NBPF8: variants seen among roughly 807,000 people sequenced by gnomAD.
NBPF8 encodes the protein NBPF member 8.
At chr1:120,450,393 G>A (rs1304933162) in intron 11 of NBPF8, among the ~76,000 whole-genome samples, 20 of 151,906 alleles carry the variant, frequency 1.3e-4, no homozygotes, top group South Asian at 1.0e-3. Flanking sequence ...AGCAGGGACC[G>A]TGGGCCTGTC....
At chr1:120,456,449 T>C (rs1301670493) in intron 16 of NBPF8, among the ~76,000 whole-genome samples, 1 of 131,776 alleles carries the variant, frequency 7.6e-6, no homozygotes, top group East Asian at 2.0e-4. Flanking sequence ...TGGGTGCTCC[T>C]GTATAGGGTG....
upstream of NBPF8, among the ~76,000 whole-genome samples, chr1:120,418,718 T>C (rs1171701466): frequency 2.1e-5 from 2 of 97,142 alleles, no homozygotes; most frequent in East Asian, 6.8e-4. Context: ...GCCCGGCTAA[T>C]TTTCTATTTT....
At chr1:120,459,722 G>T (rs1661521609) in intron 17 of NBPF8, among the ~76,000 whole-genome samples, 192 bp downstream of exon 15, 1 of 152,060 alleles carries the variant, frequency 6.6e-6, no homozygotes, top group Admixed American at 6.6e-5. Context: ...AGTGAGCTTT[G>T]CTCTCTTCCT....
intron 3 of NBPF8, among the ~76,000 whole-genome samples, chr1:120,431,054 G>A (rs1660860535): frequency 2.7e-5 from 4 of 148,176 alleles, no homozygotes; most frequent in South Asian, 4.2e-4. Flanking sequence ...TATTATAAAA[G>A]AATAATGGTG....
chr1:120,461,052 G>GTC (rs1661574495), intron 18 of NBPF8, among the ~76,000 whole-genome samples: 1 of 115,424 alleles, frequency 8.7e-6, no homozygotes, highest in Non-Finnish European at 1.8e-5. Flanking sequence ...GTGTGTGTGT[G>GTC]TGTGTGTGTG....
At chr1:120,428,243 A>G (rs1244410229) in intron 3 of NBPF8, among the ~76,000 whole-genome samples, 29 of 152,212 alleles carry the variant, frequency 1.9e-4, no homozygotes, top group Non-Finnish European at 4.1e-4. Flanking sequence ...GAGTGCAGCA[A>G]CCCAAGAGTG....
chr1:120,460,695 T>C lies in NBPF8; in HGVS notation n.2836+71T>C. On this transcript the variant is annotated intron_variant and non_coding_transcript_variant, in intron 18 of 24. Transcript: ENST00000583271. Reference sequence around the variant, plus strand: ...GAGATGCCAAGTCCAGGGAAAACAGTACATGCTGAAAATAATGATTTTGTC... The same window carrying C: ...GAGATGCCAAGTCCAGGGAAAACAGCACATGCTGAAAATAATGATTTTGTC... 7 of 870,898 alleles carry C rather than the reference T, an allele frequency of 8.0e-6. No individual in the cohort carries two copies. The South Asian group carries it at 9.2e-5, about 11-fold the overall frequency. The allele number at this position is 870,898 out of a possible 1,614,324, so 53.9% of individuals were successfully genotyped here.
chr1:120,465,766 C>G (rs1661725441), intron 24 of NBPF8, among the ~76,000 whole-genome samples: 1 of 151,712 alleles, frequency 6.6e-6, no homozygotes, highest in Non-Finnish European at 1.5e-5. Context: ...CTCTCTGTCT[C>G]TGTCTCTGTC....
At chr1:120,428,757 C>T (rs1470732787) in intron 3 of NBPF8, among the ~76,000 whole-genome samples, 11 of 146,514 alleles carry the variant, frequency 7.5e-5, no homozygotes, top group Admixed American at 7.4e-4. Flanking sequence ...GTGTACTCTT[C>T]AACCCATAAC....
At chr1:120,450,919 G>T (rs1394401630) in intron 11 of NBPF8, among the ~76,000 whole-genome samples, 10 of 151,652 alleles carry the variant, frequency 6.6e-5, no homozygotes, top group African/African-American at 2.4e-4. Context: ...TGTGAATTCT[G>T]ACTCCACTTC....
upstream of NBPF8, among the ~76,000 whole-genome samples, chr1:120,415,231 A>T (rs1553244921): frequency 0.031 from 4,765 of 152,172 alleles, 175 homozygotes; most frequent in East Asian, 0.13. Context: ...TGCCATCTGG[A>T]TGGGAAGTTA....
chr1:120,449,220 AC>A (rs1296630006), exon 11 of NBPF8: 1 of 1,423,600 alleles, frequency 7.0e-7, no homozygotes, highest in African/African-American at 1.4e-5. Context: ...TCTGCCACAA[AC>A]GTCAGCATGG....
intron 3 of NBPF8, among the ~76,000 whole-genome samples, chr1:120,429,505 G>A (rs1301499538): frequency 3.3e-5 from 5 of 152,206 alleles, no homozygotes; most frequent in African/African-American, 4.8e-5. Context: ...GAAGAGTAGA[G>A]GACAGGCCGT....
rs1660699905 is a variant in NBPF8 at position 120,425,542 on chromosome 1, C to A, written n.270-205C>A. On this transcript the variant is annotated intron_variant and non_coding_transcript_variant, in intron 1 of 28. Transcript: ENST00000652355. Reference sequence around the variant, plus strand: ...CTCTCTGGAAATGCCCGATAATGATCAATAAATACTAAGGGAACTCAGAGG... The same window carrying A: ...CTCTCTGGAAATGCCCGATAATGATAAATAAATACTAAGGGAACTCAGAGG... 2.0e-5 allele frequency among the ~76,000 whole-genome samples: 3 copies of A among 152,308 alleles called. 1 individual carries two copies. In the South Asian group the frequency reaches 6.2e-4, roughly 32 times the overall value.
At chr1:120,418,621 G>T (rs1660490016), upstream of NBPF8, among the ~76,000 whole-genome samples, 1 of 140,380 alleles carries the variant, frequency 7.1e-6, no homozygotes, top group African/African-American at 2.8e-5. Context: ...TATGATCATG[G>T]GTCTCTGCAG....
At chr1:120,453,560 T>C (rs1227692544) in intron 14 of NBPF8, 116 bp downstream of exon 12, 17 of 949,570 alleles carry the variant, frequency 1.8e-5, no homozygotes, top group East Asian at 7.0e-5. Context: ...TTAGCCACAG[T>C]ATGTGAAATA....
At chr1:120,466,357 TCA>T in exon 25 of NBPF8, 1 of 1,321,500 alleles carries the variant, frequency 7.6e-7, no homozygotes, top group Non-Finnish European at 1.0e-6. Flanking sequence ...ATTCCTATTC[TCA>T]GAGCATGCCA....
exon 13 of NBPF8, chr1:120,452,149 G>C: frequency 1.2e-6 from 2 of 1,605,162 alleles, no homozygotes; most frequent in Non-Finnish European, 1.7e-6. Flanking sequence ...ACTCAGGAAC[G>C]AGAGCTGACC....
At chr1:120,427,912 G>A (rs1487527223) in intron 3 of NBPF8, among the ~76,000 whole-genome samples, 65 bp downstream of exon 3, 1 of 151,246 alleles carries the variant, frequency 6.6e-6, no homozygotes, top group African/African-American at 2.4e-5. Flanking sequence ...GGGCAGAGAT[G>A]GGTCCTTTAT....
Sources: gnomAD v4.1 joint callset for allele counts (sites outside exome capture counted in the v4.1 genomes callset) on GRCh38, gnomAD v4.1.1 for gene constraint, MANE v1.5 for transcripts, NCBI Gene and HGNC (gene_info 2026-07-23, HGNC 2026-07-21) for gene names.